Variants in ERCC3 observed in about 807,000 individuals in gnomAD.
ERCC3 encodes general transcription and DNA repair factor IIH helicase/translocase subunit XPB.
A neutral mutation model predicts 94.2 loss-of-function variants in ERCC3; 66 were observed. The observed-to-expected ratio is 0.70, with a 90% CI of 0.57 to 0.86. The LOEUF (loss-of-function observed/expected upper bound fraction) is 0.86, where lower values mean the gene tolerates loss of function less well. Ranked by LOEUF, ERCC3 falls within the 40% of genes least tolerant of loss-of-function variation. The pLI, the probability that ERCC3 is intolerant of heterozygous loss-of-function variation, is 0.00. For missense variants in ERCC3, 829 were observed against 987.1 expected (o/e 0.84, Z 2.15); for synonymous variants, 349 against 369.1 (o/e 0.95, Z 0.63).
rs1684759395 is a variant in ERCC3 at position 127,277,250 on chromosome 2, A to G, written c.1730+1923T>C. On this transcript the variant is annotated intron_variant, in intron 10 of 14. Coordinates refer to ENST00000285398, the MANE Select transcript of ERCC3 (RefSeq NM_000122.2). This position sits in a 1 kb window ranked among gnomAD's most constrained non-coding sequence, Gnocchi z 5.1. The stretch of plus-strand genomic sequence containing the variant: ...GGTGGGGATCCCACTGGGGAAACAG[A>G]AAAACAGAACTGAGAAATTACCTGA... Among the ~76,000 whole-genome samples, 1 of 151,776 alleles carries G rather than the reference A, an allele frequency of 6.6e-6. No homozygotes were observed. The highest frequency in any genetic ancestry group is 6.5e-5 in the Admixed American group (1 of 15,290).
chr2:127,267,162 C>T (rs929885115), intron 12 of ERCC3, among the ~76,000 whole-genome samples: 9 of 152,278 alleles, frequency 5.9e-5, no homozygotes, highest in Middle Eastern at 3.4e-3. Context: ...TAGTTTTCTG[C>T]CTCTATAATC....
chr2:127,290,489 T>C lies in ERCC3; in HGVS notation c.472-216A>G, dbSNP rs1685231331. On this transcript the variant is annotated intron_variant, in intron 3 of 14. Coordinates refer to ENST00000285398, the MANE Select transcript of ERCC3 (RefSeq NM_000122.2). ...AAAATCTTCCTCTTGCCTGGGTAAT[T>C]CTGATGCATATCCATTAAGTTATAA... 9.6e-6 allele frequency: 6 copies of C among 622,460 alleles called. No homozygotes were observed. The South Asian group carries it at 1.1e-4, about 12-fold the overall frequency. 38.6% of individuals were successfully genotyped at this position (622,460 alleles called of 1,614,324 possible). A position where few individuals can be genotyped will look rare whatever the true frequency, so the allele number is the denominator to read the frequency against.
rs185823054 is a variant in ERCC3 at position 127,259,764 on chromosome 2, C to G, written c.2065-316G>C. The G allele has an allele frequency of 3.2e-3, 1,280 of 396,822 alleles. 16 individuals are homozygous for G. The highest frequency in any genetic ancestry group is 7.7e-3 in the South Asian group (360 of 46,562). The allele number at this position is 396,822 out of a possible 1,614,324, so 24.6% of individuals were successfully genotyped here. On this transcript the variant is annotated intron_variant, in intron 13 of 14. Transcript: ENST00000285398. The surrounding 1 kb of genome is among the most constrained non-coding windows in gnomAD (Gnocchi z 4.9). ...TCTTAGTGATTTTAAAAGGCTCCTT[C>G]GGGTAGCCTTCACATCTTGGAGCAG...
At position 127,284,054 on chromosome 2, in the gene ERCC3, A is replaced by C. The variant is rs1684995665; in HGVS notation, c.1342+2649T>G. 6.6e-6 allele frequency: 1 copy of C among 152,118 alleles called. No homozygotes were observed. The highest frequency in any genetic ancestry group is 6.5e-5 in the Admixed American group (1 of 15,268). 9.4% of individuals were successfully genotyped at this position (152,118 alleles called of 1,614,324 possible). ...TATCCTCCCTTTGTTCAAGCCAAAA[A>C]CCTTAGTGTCATTCTTGATTTCTCT... On this transcript the variant is annotated intron_variant, in intron 8 of 14. Coordinates refer to ENST00000285398, the MANE Select transcript of ERCC3 (RefSeq NM_000122.2). The surrounding 1 kb of genome is among the most constrained non-coding windows in gnomAD (Gnocchi z 4.1).
chr2:127,274,457 GGAGTGGCTGCTCCACT>G lies in ERCC3; in HGVS notation c.1731-1512_1731-1497del, dbSNP rs1684670224. The stretch of plus-strand genomic sequence containing the variant: ...CAGAAGCCTGAGCAGGTGGAACCTG[GGAGTGGCTGCTCCACT>G]GCCGAGGCCCGTTAGCACCCAGAGC... On this transcript the variant is annotated intron_variant, in intron 10 of 14. Coordinates refer to ENST00000285398, the MANE Select transcript of ERCC3 (RefSeq NM_000122.2). This position sits in a 1 kb window ranked among gnomAD's most constrained non-coding sequence, Gnocchi z 4.0. Among the ~76,000 whole-genome samples, 1 of 152,230 alleles carries G rather than the reference GGAGTGGCTGCTCCACT, an allele frequency of 6.6e-6. No individual in the cohort carries two copies. Among genetic ancestry groups the G allele is most frequent in the South Asian group, 2.1e-4 (1 of 4,832 alleles).
At chr2:127,272,984 T>G in intron 10 of ERCC3, 23 bp from the exon 11 acceptor site, 1 of 1,418,376 alleles carries the variant, frequency 7.1e-7, no homozygotes, top group Non-Finnish European at 1.0e-6. Flanking sequence ...GAAGCTGTGT[T>G]AGACCACAGA....
At chr2:127,273,257 A>AG (rs1278323828) in intron 10 of ERCC3, among the ~76,000 whole-genome samples, 20 of 152,108 alleles carry the variant, frequency 1.3e-4, no homozygotes, top group African/African-American at 4.8e-4. Flanking sequence ...CACAGAGTCT[A>AG]TACAAGGAGC....
intron 10 of ERCC3, among the ~76,000 whole-genome samples, chr2:127,276,192 A>G (rs1188897564): frequency 6.6e-6 from 1 of 152,186 alleles, no homozygotes; most frequent in Non-Finnish European, 1.5e-5. Flanking sequence ...TCCTCACTGA[A>G]GAAACCGTCC....
intron 7 of ERCC3, 36 bp downstream of exon 7, chr2:127,288,624 C>T (rs376509234): frequency 6.3e-7 from 1 of 1,575,306 alleles, no homozygotes; most frequent in East Asian, 2.2e-5. Flanking sequence ...CCAGACACAA[C>T]AGCCTGACCA....
At chr2:127,261,130 G>A in intron 13 of ERCC3, 98 bp downstream of exon 13, 2 of 785,680 alleles carry the variant, frequency 2.5e-6, no homozygotes, top group East Asian at 4.9e-5. Flanking sequence ...CCTAATGCTT[G>A]GTGCCTGCCT....
chr2:127,282,972 C>T lies in ERCC3; in HGVS notation c.1343-2341G>A, dbSNP rs555538811. ...ATATAGTCAGACAGAATGCCTCAAG[C>T]CCTGAACACAGCTTCCAACCAAACT... On this transcript the variant is annotated intron_variant, in intron 8 of 14. Coordinates refer to ENST00000285398, the MANE Select transcript of ERCC3 (RefSeq NM_000122.2). 3.9e-5 allele frequency among the ~76,000 whole-genome samples: 6 copies of T among 152,208 alleles called. No homozygotes were observed. The East Asian group carries it at 5.8e-4, about 15-fold the overall frequency.
chr2:127,286,716 C>T lies in ERCC3; in HGVS notation c.1329G>A (p.Val443=), dbSNP rs1685078810. Residue 443 remains valine, a synonymous_variant, in exon 8 of 15, where the codon GTG becomes GTA. Transcript: ENST00000285398. Reference sequence around the variant, plus strand: ...CAGCCTGCTTACCTGGTATGGTGTGCACTTCATCCAGGATCATGAGGCCCC... The same window carrying T: ...CAGCCTGCTTACCTGGTATGGTGTGTACTTCATCCAGGATCATGAGGCCCC... ...QEWGLMILDE[V]HTIPAKMFRR... is the part of the protein sequence containing the mutation. 1 of 1,613,768 alleles carries T rather than the reference C, an allele frequency of 6.2e-7. No homozygotes were observed. Among genetic ancestry groups the T allele is most frequent in the Non-Finnish European group, 8.5e-7 (1 of 1,179,920 alleles).
chr2:127,272,942 T>C lies in ERCC3; in HGVS notation c.1750A>G (p.Thr584Ala), dbSNP rs758238796. The C allele has an allele frequency of 8.7e-6, 14 of 1,610,420 alleles. No individual in the cohort carries two copies. In the East Asian group the frequency reaches 1.3e-4, roughly 15 times the overall value. The change falls in exon 11 of 15, where the codon ACG (threonine) becomes GCG (alanine). Residue 584 changes from threonine to alanine, a missense_variant. Transcript: ENST00000285398. The part of the protein sequence containing the change: ...RLNKPYIYGP[T>A]SQGERMQILQ... ...ATTTGCATCCTTTCCCCCTGAGACGTAGGTCCGTAGATATAGGGTCTAGAG... is the reference window on the plus strand; with the variant it reads ...ATTTGCATCCTTTCCCCCTGAGACGCAGGTCCGTAGATATAGGGTCTAGAG...
At chr2:127,266,094 CT>C (rs1684352413) in intron 12 of ERCC3, among the ~76,000 whole-genome samples, 1 of 141,240 alleles carries the variant, frequency 7.1e-6, no homozygotes, top group East Asian at 2.1e-4. Flanking sequence ...TTTTTTTTTT[CT>C]TTTTTCTTTT....
At position 127,261,346 on chromosome 2, in the gene ERCC3, C is replaced by T; in HGVS notation, c.1946G>A (p.Gly649Glu). The T allele has an allele frequency of 1.3e-6, 2 of 1,571,196 alleles. No homozygotes were observed. The highest frequency in any genetic ancestry group is 2.2e-5 in the South Asian group (2 of 90,190). ...RLGRVLRAKK[G>E]MVAEEYNAFF... ...GGCATTGTACTCTTCTGCAACCATC[C>T]CTGCAGGAAAAAATGAGAAACGGCA... The change falls in exon 13 of 15, where the codon GGG becomes GAG. Residue 649 changes from glycine (G) to glutamate (E), a missense_variant and splice_region_variant. Coordinates refer to ENST00000285398, the MANE Select transcript of ERCC3 (RefSeq NM_000122.2).
chr2:127,290,372 C>G, intron 3 of ERCC3, 99 bp from the exon 4 acceptor site: 2 of 1,060,538 alleles, frequency 1.9e-6, no homozygotes, highest in Non-Finnish European at 2.9e-6. Flanking sequence ...GTGAAAAGTT[C>G]ATTTTACTTT....
Position 127,259,233 on chromosome 2 carries a change from G to C in ERCC3, c.2217+63C>G. On this transcript the variant is annotated intron_variant, in intron 14 of 14. Coordinates refer to ENST00000285398, the MANE Select transcript of ERCC3 (RefSeq NM_000122.2). The surrounding 1 kb of genome is among the most constrained non-coding windows in gnomAD (Gnocchi z 4.9). ...CAGGCAGGACTACATGTCTGTGTCT[G>C]TGTCTACAAACGCTGCCCTGTGAGA... is the stretch of plus-strand genomic sequence containing the variant. 1.9e-6 allele frequency: 3 copies of C among 1,587,982 alleles called. No homozygotes were observed. The highest frequency in any genetic ancestry group is 2.6e-6 in the Non-Finnish European group (3 of 1,157,052).
At chr2:127,292,555 G>T in intron 3 of ERCC3, 55 bp downstream of exon 3, 1 of 1,114,024 alleles carries the variant, frequency 9.0e-7, no homozygotes, top group Non-Finnish European at 1.4e-6. Flanking sequence ...GAGCACCTAT[G>T]CCTATTGTTA....
At chr2:127,293,131 A>G (rs567632028) in intron 2 of ERCC3, among the ~76,000 whole-genome samples, 3 of 152,386 alleles carry the variant, frequency 2.0e-5, no homozygotes, top group Admixed American at 1.3e-4. Flanking sequence ...CTAGATTTCA[A>G]CTAAATGTAT....
Sources: allele counts gnomAD v4.1 joint callset (sites outside exome capture counted in the v4.1 genomes callset), GRCh38; gene constraint gnomAD v4.1.1; non-coding constraint Gnocchi (gnomAD v3.1); transcripts MANE v1.5; gene names NCBI Gene and HGNC (gene_info 2026-07-23, HGNC 2026-07-21).